GGT7: variants seen among roughly 807,000 people sequenced by gnomAD.
GGT7 encodes the protein gamma-glutamyltransferase 7.
A neutral mutation model predicts 69.2 loss-of-function variants in GGT7; 30 were observed. That is an observed-to-expected ratio of 0.43 (90% CI 0.32 to 0.59). GGT7 has a LOEUF of 0.59. GGT7 is among the 20% of genes least tolerant of loss of function. The pLI, the probability that GGT7 is intolerant of heterozygous loss-of-function variation, is 0.05. For missense variants in GGT7, 733 were observed against 901.1 expected, an observed-to-expected ratio of 0.81 and a Z score of 2.39; for synonymous variants, 388 against 391.8, an observed-to-expected ratio of 0.99 and a Z score of 0.12.
intron 1 of GGT7, among the ~76,000 whole-genome samples, chr20:34,866,392 G>C (rs1343002796): frequency 6.6e-6 from 1 of 152,050 alleles, no homozygotes; most frequent in African/African-American, 2.4e-5. Flanking sequence ...GCTGCAGTAT[G>C]ATTGCAATAT....
chr20:34,851,407 G>T, intron 12 of GGT7, 39 bp from the exon 13 acceptor site: 1 of 1,581,608 alleles, frequency 6.3e-7, no homozygotes, highest in Non-Finnish European at 8.6e-7. Context: ...GGCAGGTGGG[G>T]TGGGACAAGA....
In GGT7 at chr20:34,872,687, G is replaced by A. The variant is rs1188728705; in HGVS notation, c.129C>T (p.Gly43=). 2 of 1,479,660 alleles carry A rather than the reference G, an allele frequency of 1.4e-6. No homozygotes were observed. Among genetic ancestry groups the A allele is most frequent in the Non-Finnish European group, 1.8e-6 (2 of 1,120,544 alleles). The allele number at this position is 1,479,660 out of a possible 1,614,324, so 91.7% of individuals were successfully genotyped here. The change falls in exon 1 of 15, where the codon GGC becomes GGT. Residue 43 remains glycine, a synonymous_variant. Transcript: ENST00000336431. ...CCAGAAAGGCGTCCTCGTCCTTGCG[G>A]CCCCTCAGCGGGGCCGCGGGCGCCG... ...DEPAPAAPLR[G]RKDEDAFLGD...
intron 14 of GGT7, among the ~76,000 whole-genome samples, chr20:34,845,869 G>A (rs1328468788): frequency 6.6e-6 from 1 of 152,034 alleles, no homozygotes; most frequent in South Asian, 2.1e-4. Context: ...AGACTAGCTT[G>A]GGCAATATAG....
chr20:34,856,063 G>C (rs6087639), intron 8 of GGT7, among the ~76,000 whole-genome samples: 1 of 151,966 alleles, frequency 6.6e-6, no homozygotes, highest in African/African-American at 2.4e-5. Context: ...AATGTGCTGG[G>C]GTTATAGGCC....
At chr20:34,852,606 T>G in intron 10 of GGT7, 68 bp from the exon 11 acceptor site, 1 of 1,413,400 alleles carries the variant, frequency 7.1e-7, no homozygotes, top group South Asian at 1.5e-5. Flanking sequence ...ACCTCACTTT[T>G]GTGGTGTTTG....
chr20:34,855,632 T>A (rs538350828), intron 8 of GGT7, among the ~76,000 whole-genome samples: 1 of 152,126 alleles, frequency 6.6e-6, no homozygotes, highest in Non-Finnish European at 1.5e-5. Flanking sequence ...ATCAAATCCT[T>A]ATGGGCATCC....
At chr20:34,871,414 C>A (rs1434412739) in intron 1 of GGT7, among the ~76,000 whole-genome samples, 1 of 152,210 alleles carries the variant, frequency 6.6e-6, no homozygotes, top group East Asian at 1.9e-4. Flanking sequence ...TGATATCCAT[C>A]ATGACACATC....
rs1217466836 is a variant in GGT7, at chr20:34,863,753, C to T, written c.170-205G>A. 1 of 713,408 alleles carries T rather than the reference C, an allele frequency of 1.4e-6. No homozygotes were observed. Among genetic ancestry groups the T allele is most frequent in the African/African-American group, 1.7e-5 (1 of 57,204 alleles). The allele number at this position is 713,408 out of a possible 1,614,324, so 44.2% of individuals were successfully genotyped here. On this transcript the variant is annotated intron_variant, in intron 1 of 14. Coordinates refer to ENST00000336431, the MANE Select transcript of GGT7 (RefSeq NM_178026.3). The surrounding 1 kb of genome is among the most constrained non-coding windows in gnomAD (Gnocchi z 4.4). ...CGGCTAGGAAGAGACAGGGACCTCCCCAGCTGGGCAGCAGGGAGGCTGGAT... is the reference window on the plus strand; with the variant it reads ...CGGCTAGGAAGAGACAGGGACCTCCTCAGCTGGGCAGCAGGGAGGCTGGAT...
Position 34,850,022 on chromosome 20 carries a change from A to G in GGT7, c.1764T>C (p.Ser588=). Residue 588 remains serine, a synonymous_variant, in exon 14 of 15, where the codon AGT becomes AGC. Coordinates refer to ENST00000336431, the MANE Select transcript of GGT7 (RefSeq NM_178026.3). ...GTAGGCGGCCGCGGGCCAGGCTGTC[A>G]CTCAGGTTCCGGTTCAAGGTCAGGA... is the stretch of plus-strand genomic sequence containing the variant. ...LNVLTLNRNL[S]DSLARGRLHP... 6.2e-7 allele frequency: 1 copy of G among 1,613,964 alleles called. No homozygotes were observed. Among genetic ancestry groups the G allele is most frequent in the Non-Finnish European group, 8.5e-7 (1 of 1,179,924 alleles).
chr20:34,860,455 G>A, intron 4 of GGT7, 134 bp from the exon 5 acceptor site: 1 of 699,162 alleles, frequency 1.4e-6, no homozygotes, highest in South Asian at 1.5e-5. Flanking sequence ...TCCCAGGGGA[G>A]GGACAAGCTT....
intron 1 of GGT7, among the ~76,000 whole-genome samples, chr20:34,871,417 G>T (rs1036531615): frequency 1.3e-5 from 2 of 152,144 alleles, no homozygotes; most frequent in African/African-American, 4.8e-5. Flanking sequence ...TATCCATCAT[G>T]ACACATCTTC....
Position 34,872,752 on chromosome 20 carries a change from T to A in GGT7, c.64A>T (p.Met22Leu). The change falls in exon 1 of 15, where the codon ATG (methionine) becomes TTG (leucine). Residue 22 changes from methionine to leucine, a missense_variant. Physicochemically the swap from Met to Leu is conservative, Grantham distance 15 (BLOSUM62 2). Transcript: ENST00000336431. The stretch of plus-strand genomic sequence containing the variant: ...AGCCGCGGGAAGCTGGTGATGCTCA[T>A]GTAGTCCACTGGCGAGTAGGCGCCC... ...ALGAYSPVDY[M>L]SITSFPRLPE... The A allele has an allele frequency of 6.7e-7, 1 of 1,493,792 alleles. No individual in the cohort carries two copies. Among genetic ancestry groups the A allele is most frequent in the Non-Finnish European group, 8.9e-7 (1 of 1,123,750 alleles). 92.5% of individuals were successfully genotyped at this position (1,493,792 alleles called of 1,614,324 possible).
rs1316760410 is a variant in GGT7, at chr20:34,860,359, G to C, written c.676-38C>G. The C allele has an allele frequency of 2.0e-6, 3 of 1,521,838 alleles. No homozygotes were observed. In the Admixed American group the frequency reaches 5.0e-5, roughly 25 times the overall value. The allele number at this position is 1,521,838 out of a possible 1,614,324, so 94.3% of individuals were successfully genotyped here. A position where few individuals can be genotyped will look rare whatever the true frequency, so the allele number is the denominator to read the frequency against. On this transcript the variant is annotated intron_variant, in intron 4 of 14. Coordinates refer to ENST00000336431, the MANE Select transcript of GGT7 (RefSeq NM_178026.3). Reference sequence around the variant, plus strand: ...GGTAGGCGAGGGAGAGAGGAGACCAGGTCACTGGAAGGGGGGTGCTGGGCT... The same window carrying C: ...GGTAGGCGAGGGAGAGAGGAGACCACGTCACTGGAAGGGGGGTGCTGGGCT...
chr20:34,858,935 C>A (rs1246091443), intron 7 of GGT7, among the ~76,000 whole-genome samples: 1 of 152,198 alleles, frequency 6.6e-6, no homozygotes, highest in Admixed American at 6.5e-5. Flanking sequence ...CTTTGGGAGG[C>A]CAGGACAGGT....
chr20:34,850,886 A>G, intron 13 of GGT7: 1 of 595,814 alleles, frequency 1.7e-6, no homozygotes, highest in Non-Finnish European at 3.2e-6. Context: ...TTCAAATCCC[A>G]CCCTAAAGAG....
chr20:34,849,285 C>T (rs1261032368), intron 14 of GGT7, among the ~76,000 whole-genome samples: 2 of 151,488 alleles, frequency 1.3e-5, no homozygotes, highest in South Asian at 2.1e-4. Context: ...GCCTCAGCCT[C>T]CCGAGTAGCT....
At chr20:34,855,477 G>C (rs1049716923) in intron 8 of GGT7, among the ~76,000 whole-genome samples, 1 of 152,150 alleles carries the variant, frequency 6.6e-6, no homozygotes, top group African/African-American at 2.4e-5. Flanking sequence ...TATTTGATAG[G>C]TCCAGAAACT....
chr20:34,851,403 T>TG (rs2079389865), intron 12 of GGT7, 35 bp from the exon 13 acceptor site: 1 of 1,587,874 alleles, frequency 6.3e-7, no homozygotes, highest in Middle Eastern at 1.9e-4. Flanking sequence ...AAGGGGCAGG[T>TG]GGGGTGGGAC....
intron 8 of GGT7, among the ~76,000 whole-genome samples, chr20:34,856,012 T>C (rs1442280830): frequency 6.6e-6 from 1 of 152,126 alleles, no homozygotes; most frequent in Non-Finnish European, 1.5e-5. Context: ...AGGCTGGTCA[T>C]GAACTCCTGG....
Sources: allele counts gnomAD v4.1 joint callset (sites outside exome capture counted in the v4.1 genomes callset), GRCh38; gene constraint gnomAD v4.1.1; non-coding constraint Gnocchi (gnomAD v3.1); transcripts MANE v1.5; gene names NCBI Gene and HGNC (gene_info 2026-07-23, HGNC 2026-07-21).